CADPS2: variants seen among roughly 807,000 people sequenced by gnomAD.
CADPS2 encodes the protein calcium dependent secretion activator 2.
A neutral mutation model predicts 172.5 loss-of-function variants in CADPS2; 93 were observed. The ratio of observed to expected loss-of-function variants is 0.54; its 90% CI spans 0.46 to 0.64. CADPS2 has a LOEUF of 0.64. Ranked by LOEUF, CADPS2 falls within the 30% of genes least tolerant of loss-of-function variation. The pLI is 0.00. For missense variants in CADPS2, 1,420 were observed against 1,565.9 expected (o/e 0.91, Z 1.57); for synonymous variants, 546 against 555.2 (o/e 0.98, Z 0.23).
chr7:122,609,203 A>G (rs1363330505), intron 6 of CADPS2, among the ~76,000 whole-genome samples: 1 of 152,138 alleles, frequency 6.6e-6, no homozygotes, highest in African/African-American at 2.4e-5. Flanking sequence ...CTTGGAGGGA[A>G]TAAAAGACTA....
chr7:122,797,013 GA>G (rs200661784), intron 1 of CADPS2, among the ~76,000 whole-genome samples: 31 of 145,532 alleles, frequency 2.1e-4, no homozygotes, highest in South Asian at 4.4e-4. Context: ...AAATTTACAA[GA>G]AAAAAAAACA....
intron 1 of CADPS2, among the ~76,000 whole-genome samples, chr7:122,878,971 C>T (rs1822101316): frequency 6.6e-6 from 1 of 152,156 alleles, no homozygotes; most frequent in South Asian, 2.1e-4. Flanking sequence ...CATCTTGACT[C>T]ACACTTGCAA....
At chr7:122,575,718 T>C (rs2067948151) in intron 7 of CADPS2, among the ~76,000 whole-genome samples, 1 of 152,216 alleles carries the variant, frequency 6.6e-6, no homozygotes, top group Admixed American at 6.5e-5. Flanking sequence ...ATTACAAGCA[T>C]GAGCTACTGC....
chr7:122,699,030 G>T, intron 2 of CADPS2: 1 of 713,868 alleles, frequency 1.4e-6, no homozygotes, highest in Non-Finnish European at 2.3e-6. Flanking sequence ...AAGATCCACT[G>T]TCTTCCAGCA....
chr7:122,324,548 T>G (rs894356077), intron 29 of CADPS2, among the ~76,000 whole-genome samples: 4 of 152,088 alleles, frequency 2.6e-5, no homozygotes, highest in African/African-American at 9.7e-5. Flanking sequence ...TCTAACAAGT[T>G]CCCAGGTGAT....
chr7:122,859,614 C>G (rs1484083925), intron 1 of CADPS2, among the ~76,000 whole-genome samples: 1 of 151,880 alleles, frequency 6.6e-6, no homozygotes, highest in South Asian at 2.1e-4. Context: ...TATGACTACA[C>G]TATTATAGTC....
chr7:122,571,854 T>C (rs2067303759), intron 7 of CADPS2, among the ~76,000 whole-genome samples: 1 of 152,164 alleles, frequency 6.6e-6, no homozygotes, highest in Non-Finnish European at 1.5e-5. Context: ...GTAGTTATCA[T>C]GGAACTTCTA....
intron 1 of CADPS2, among the ~76,000 whole-genome samples, chr7:122,767,125 T>C (rs1055224164): frequency 1.3e-5 from 2 of 152,186 alleles, no homozygotes; most frequent in Non-Finnish European, 2.9e-5. Context: ...TTGAAGCAGA[T>C]GTTTCTAGAA....
Position 122,320,126 on chromosome 7 carries a change from C to A in CADPS2, c.*39G>T. The stretch of plus-strand genomic sequence containing the variant: ...AGGTTAAAAAAATAAAAAACAATGT[C>A]GATCAAGGTCTTCCTTCCTTCTGCA... On this transcript the variant is annotated 3_prime_UTR_variant, in exon 30 of 30. Coordinates refer to ENST00000449022, the MANE Select transcript of CADPS2 (RefSeq NM_017954.11). The A allele has an allele frequency of 1.3e-6, 2 of 1,489,006 alleles. No individual in the cohort carries two copies. The highest frequency in any genetic ancestry group is 1.4e-5 in the South Asian group (1 of 71,824). 92.2% of individuals were successfully genotyped at this position (1,489,006 alleles called of 1,614,324 possible). A position where few individuals can be genotyped will look rare whatever the true frequency, so the allele number is the denominator to read the frequency against.
At position 122,683,753 on chromosome 7, in the gene CADPS2, AAAC is replaced by A. The variant is rs1435988933; in HGVS notation, c.454-20187_454-20185del. On this transcript the variant is annotated intron_variant, in intron 2 of 29. Coordinates refer to ENST00000449022, the MANE Select transcript of CADPS2 (RefSeq NM_017954.11). Reference sequence around the variant, plus strand: ...GATATAATGTTAATGAAGAAAAAAAAAACAAACAGATTCCCAGTTGGGGCTGCT... The same window carrying A: ...GATATAATGTTAATGAAGAAAAAAAAAAACAGATTCCCAGTTGGGGCTGCT... Among the ~76,000 whole-genome samples, 4 of 151,348 alleles carry A rather than the reference AAAC, an allele frequency of 2.6e-5. No homozygotes were observed. In the East Asian group the frequency reaches 5.8e-4, roughly 22 times the overall value.
At chr7:122,766,424 A>T (rs1023550548) in intron 1 of CADPS2, among the ~76,000 whole-genome samples, 2 of 152,142 alleles carry the variant, frequency 1.3e-5, no homozygotes, top group East Asian at 3.9e-4. Flanking sequence ...AATATTTTAT[A>T]CCGATAAGAA....
chr7:122,816,628 T>G (rs1300527550), intron 1 of CADPS2, among the ~76,000 whole-genome samples: 1 of 152,216 alleles, frequency 6.6e-6, no homozygotes, highest in East Asian at 1.9e-4. Context: ...CATAATAGCT[T>G]TGTGAATGTA....
intron 1 of CADPS2, among the ~76,000 whole-genome samples, chr7:122,809,903 T>C (rs115605086): frequency 1.0e-3 from 153 of 152,262 alleles, no homozygotes; most frequent in African/African-American, 3.6e-3. Flanking sequence ...TTTCCAAAAT[T>C]TCAGTCATTC....
At chr7:122,522,642 T>C (rs971065635) in intron 8 of CADPS2, among the ~76,000 whole-genome samples, 5 of 152,136 alleles carry the variant, frequency 3.3e-5, no homozygotes, top group Admixed American at 2.0e-4. Context: ...TATTGTGCTA[T>C]TAAACAGTAG....
intron 2 of CADPS2, among the ~76,000 whole-genome samples, chr7:122,723,656 G>A (rs1384640244): frequency 1.3e-5 from 2 of 152,152 alleles, no homozygotes; most frequent in African/African-American, 2.4e-5. Flanking sequence ...AATACCATTT[G>A]ACCCAGTCAT....
chr7:122,627,595 T>C (rs1355433927), intron 4 of CADPS2, among the ~76,000 whole-genome samples: 2 of 152,190 alleles, frequency 1.3e-5, no homozygotes, highest in African/African-American at 4.8e-5. Flanking sequence ...TTCTCAGTCA[T>C]GAACCTGAGA....
chr7:122,711,946 C>T (rs1251694112), intron 2 of CADPS2, among the ~76,000 whole-genome samples: 2 of 151,996 alleles, frequency 1.3e-5, no homozygotes, highest in Non-Finnish European at 2.9e-5. Flanking sequence ...CCACCACGTC[C>T]AGCCATGTTT....
rs185493935 is a variant in CADPS2, at chr7:122,352,364, T to C, written c.3505-6683A>G. 2.1e-3 allele frequency among the ~76,000 whole-genome samples: 303 copies of C among 147,412 alleles called. 2 individuals are homozygous for C. Among genetic ancestry groups the C allele is most frequent in the Middle Eastern group, 3.4e-3 (1 of 294 alleles). On this transcript the variant is annotated intron_variant, in intron 27 of 29. Transcript: ENST00000449022. ...GCTGCATTATTTCATTTTTAGCTTT[T>C]AAAGTTTAGATGGACTGGGATGGGT...
At chr7:122,697,728 G>C in intron 2 of CADPS2, 3 of 1,240,568 alleles carry the variant, frequency 2.4e-6, no homozygotes, top group Middle Eastern at 2.2e-4. Context: ...CAAACTGCTT[G>C]TCAGTATTAG....
Sources: gnomAD v4.1 joint callset for allele counts (sites outside exome capture counted in the v4.1 genomes callset) on GRCh38, gnomAD v4.1.1 for gene constraint, MANE v1.5 for transcripts, NCBI Gene and HGNC (gene_info 2026-07-23, HGNC 2026-07-21) for gene names.